KCNMB2: variants seen among roughly 807,000 people sequenced by gnomAD.
KCNMB2 encodes potassium calcium-activated channel subfamily M regulatory beta subunit 2.
KCNMB2 carries 9 observed loss-of-function variants against 24.5 expected under a neutral mutation model. That is an observed-to-expected ratio of 0.37 (90% CI 0.22 to 0.64). The LOEUF is 0.64. Ranked by LOEUF, KCNMB2 falls within the 30% of genes least tolerant of loss-of-function variation. KCNMB2 has a pLI of 0.63. For missense variants in KCNMB2, 226 were observed against 284.3 expected (o/e 0.79, Z 1.47); for synonymous variants, 109 against 104.4 (o/e 1.04, Z -0.27).
intron 1 of KCNMB2, among the ~76,000 whole-genome samples, chr3:178,590,400 C>A (rs1047063170): frequency 4.6e-5 from 7 of 152,150 alleles, no homozygotes; most frequent in Non-Finnish European, 7.3e-5. Flanking sequence ...AGCCTTTCAA[C>A]ATTTTCAAAT....
At chr3:178,739,236 T>C (rs895191712) in intron 1 of KCNMB2, among the ~76,000 whole-genome samples, 1 of 152,152 alleles carries the variant, frequency 6.6e-6, no homozygotes, top group Non-Finnish European at 1.5e-5. Flanking sequence ...CTCAGTCAGC[T>C]TCCGCATCTA....
Position 178,798,732 on chromosome 3 carries a change from G to A in KCNMB2, c.-67-8611G>A, listed in dbSNP as rs532709607. Among the ~76,000 whole-genome samples the A allele has an allele frequency of 3.3e-5, 5 of 152,156 alleles. No individual in the cohort carries two copies. The South Asian group carries it at 1.0e-3, about 32-fold the overall frequency. ...CACACCAGGGCCTGTCAGGGAGTGAGGTTGGGGGAGGGAGAGCATTGGGAA... is the reference window on the plus strand; with the variant it reads ...CACACCAGGGCCTGTCAGGGAGTGAAGTTGGGGGAGGGAGAGCATTGGGAA... On this transcript the variant is annotated intron_variant, in intron 1 of 4. Coordinates refer to ENST00000452583, the MANE Select transcript of KCNMB2 (RefSeq NM_181361.3).
intron 1 of KCNMB2, among the ~76,000 whole-genome samples, chr3:178,569,525 C>T (rs1716694277): frequency 6.6e-6 from 1 of 152,114 alleles, no homozygotes; most frequent in South Asian, 2.1e-4. Flanking sequence ...CTTTTACATC[C>T]TTGGTTGCTT....
chr3:178,765,260 C>T (rs77318217), intron 1 of KCNMB2, among the ~76,000 whole-genome samples: 1 of 152,302 alleles, frequency 6.6e-6, no homozygotes, highest in East Asian at 1.9e-4. Flanking sequence ...GCAACTACCC[C>T]TCACACACGT....
chr3:178,587,576 G>A (rs1717488613), intron 1 of KCNMB2, among the ~76,000 whole-genome samples: 2 of 149,708 alleles, frequency 1.3e-5, no homozygotes, highest in Non-Finnish European at 3.0e-5. Context: ...GGCATGTGCC[G>A]CCACACCCGG....
chr3:178,825,670 G>A lies in KCNMB2; in HGVS notation c.139G>A (p.Ala47Thr). Residue 47 changes from alanine to threonine, a missense_variant, in exon 3 of 5, where the codon GCT becomes ACT. Ala to Thr is a moderately conservative substitution (Grantham distance 58, BLOSUM62 0). Transcript: ENST00000452583. ...AGCACTGAAGGCAGGAGAGGACCGA[G>A]CTATTCTCCTGGGACTGGCTATGAT... ...VTALKAGEDR[A>T]ILLGLAMMVC... The A allele has an allele frequency of 6.2e-7, 1 of 1,614,056 alleles. No homozygotes were observed. Among genetic ancestry groups the A allele is most frequent in the Non-Finnish European group, 8.5e-7 (1 of 1,179,908 alleles).
At chr3:178,687,628 A>G (rs1177139033) in intron 1 of KCNMB2, among the ~76,000 whole-genome samples, 2 of 152,204 alleles carry the variant, frequency 1.3e-5, no homozygotes, top group African/African-American at 4.8e-5. Context: ...AGGGCTTTGT[A>G]AAATAAAGTT....
intron 1 of KCNMB2, among the ~76,000 whole-genome samples, chr3:178,629,058 TC>T (rs1159914819): frequency 6.6e-6 from 1 of 152,130 alleles, no homozygotes; most frequent in Non-Finnish European, 1.5e-5. Context: ...TTCAGACCTC[TC>T]CTTTTCTATA....
At chr3:178,555,597 T>A (rs2108459110) in intron 1 of KCNMB2, among the ~76,000 whole-genome samples, 1 of 152,388 alleles carries the variant, frequency 6.6e-6, no homozygotes, top group Non-Finnish European at 1.5e-5. Context: ...CAAAGCCCTA[T>A]TGTCATTATT....
At chr3:178,760,853 GAAGGA>G (rs1711833488) in intron 1 of KCNMB2, among the ~76,000 whole-genome samples, 1 of 151,990 alleles carries the variant, frequency 6.6e-6, no homozygotes, top group South Asian at 2.1e-4. Flanking sequence ...GTTGGCCATT[GAAGGA>G]AAGAATGATT....
At chr3:178,794,139 T>C (rs1713437603) in intron 1 of KCNMB2, among the ~76,000 whole-genome samples, 1 of 152,124 alleles carries the variant, frequency 6.6e-6, no homozygotes, top group African/African-American at 2.4e-5. Flanking sequence ...ACACTACGCC[T>C]TTGCAGAACA....
At chr3:178,551,407 G>A (rs1033478879) in intron 1 of KCNMB2, among the ~76,000 whole-genome samples, 3 of 152,228 alleles carry the variant, frequency 2.0e-5, no homozygotes, top group Non-Finnish European at 2.9e-5. Context: ...AGTAATGGCA[G>A]AGCCAGGCTT....
At chr3:178,798,693 G>A (rs1713651278) in intron 1 of KCNMB2, among the ~76,000 whole-genome samples, 1 of 152,018 alleles carries the variant, frequency 6.6e-6, no homozygotes, top group African/African-American at 2.4e-5. Context: ...ACAGACACAG[G>A]GAGGGGAACT....
In KCNMB2 at chr3:178,713,105, G is replaced by A. The variant is rs183390180; in HGVS notation, c.-67-94238G>A. ...AATGGACTGAGAGATCTTATACCACGCTCAGTCTCCTCCTCATAAAATAAG... is the reference window on the plus strand; with the variant it reads ...AATGGACTGAGAGATCTTATACCACACTCAGTCTCCTCCTCATAAAATAAG... On this transcript the variant is annotated intron_variant, in intron 1 of 4. Transcript: ENST00000452583. Among the ~76,000 whole-genome samples, 328 of 152,282 alleles carry A rather than the reference G, an allele frequency of 2.2e-3. 2 individuals carry two copies. The highest frequency in any genetic ancestry group is 6.9e-4 in the Non-Finnish European group (47 of 68,020).
At chr3:178,628,668 G>A (rs953650925) in intron 1 of KCNMB2, among the ~76,000 whole-genome samples, 7 of 152,202 alleles carry the variant, frequency 4.6e-5, no homozygotes, top group Middle Eastern at 3.4e-3. Flanking sequence ...AGGAGTACAC[G>A]TGATAAACTT....
At chr3:178,614,407 C>T (rs1326269513) in intron 1 of KCNMB2, among the ~76,000 whole-genome samples, 2 of 148,046 alleles carry the variant, frequency 1.4e-5, no homozygotes, top group Non-Finnish European at 3.0e-5. Context: ...GCCTCATAAT[C>T]ATGGCAGAAG....
intron 1 of KCNMB2, among the ~76,000 whole-genome samples, chr3:178,647,979 C>T (rs1225168094): frequency 2.0e-5 from 3 of 151,960 alleles, no homozygotes; most frequent in Non-Finnish European, 4.4e-5. Context: ...TTCATTTATA[C>T]AGTACATATT....
chr3:178,736,053 C>T (rs935839382), intron 1 of KCNMB2, among the ~76,000 whole-genome samples: 9 of 152,122 alleles, frequency 5.9e-5, no homozygotes, highest in African/African-American at 1.9e-4. Flanking sequence ...ACATACCTGA[C>T]GCTCAGAGGA....
In KCNMB2 at chr3:178,562,231, A is replaced by G. The variant is rs137889068; in HGVS notation, c.-68+25520A>G. On this transcript the variant is annotated intron_variant, in intron 1 of 4. Transcript: ENST00000452583. ...TTGATTTTATTGTGATACAAAAACA[A>G]TATGTTTTGGTTATGCAATCACTCA... is the stretch of plus-strand genomic sequence containing the variant. Among the ~76,000 whole-genome samples the G allele has an allele frequency of 2.8e-4, 42 of 152,332 alleles. No homozygotes were observed. In the East Asian group the frequency reaches 7.1e-3, roughly 26 times the overall value.
Sources: allele counts gnomAD v4.1 joint callset (sites outside exome capture counted in the v4.1 genomes callset), GRCh38; gene constraint gnomAD v4.1.1; transcripts MANE v1.5; gene names NCBI Gene and HGNC (gene_info 2026-07-23, HGNC 2026-07-21).